IQCH: variants seen among roughly 807,000 people sequenced by gnomAD.
IQCH encodes the protein IQ motif containing H.
In IQCH, 98 loss-of-function variants were observed where a neutral mutation model predicts 117.0. That is an observed-to-expected ratio of 0.84 (90% CI 0.71 to 0.99). The LOEUF is 0.99. IQCH is among the 50% of genes least tolerant of loss of function. IQCH has a pLI of 0.00. For missense variants in IQCH, 1,102 were observed against 1,243.8 expected, an observed-to-expected ratio of 0.89 and a Z score of 1.72; for synonymous variants, 412 against 448.2, an observed-to-expected ratio of 0.92 and a Z score of 1.02.
intron 16 of IQCH, among the ~76,000 whole-genome samples, chr15:67,448,637 A>G (rs2082446180): frequency 1.3e-5 from 2 of 152,112 alleles, no homozygotes; most frequent in African/African-American, 2.4e-5. Context: ...TTGGACATTT[A>G]GGTTGGTTCC....
chr15:67,449,977 C>G (rs2082481117), intron 16 of IQCH, among the ~76,000 whole-genome samples: 2 of 152,030 alleles, frequency 1.3e-5, no homozygotes, highest in Non-Finnish European at 2.9e-5. Flanking sequence ...ATTTTATTCT[C>G]TTTGAAGCAA....
At chr15:67,287,486 G>T (rs1966606085) in intron 4 of IQCH, among the ~76,000 whole-genome samples, 1 of 152,096 alleles carries the variant, frequency 6.6e-6, no homozygotes, top group Non-Finnish European at 1.5e-5. Flanking sequence ...TTTCTTCATG[G>T]TTTAGACATA....
Position 67,404,669 on chromosome 15 carries a change from A to G in IQCH, c.2097+4364A>G, listed in dbSNP as rs1971814606. 6.6e-6 allele frequency: 1 copy of G among 152,196 alleles called. No individual in the cohort carries two copies. The highest frequency in any genetic ancestry group is 2.1e-4 in the South Asian group (1 of 4,834). The allele number at this position is 152,196 out of a possible 1,614,324, so 9.4% of individuals were successfully genotyped here. A position where few individuals can be genotyped will look rare whatever the true frequency, so the allele number is the denominator to read the frequency against. Reference sequence around the variant, plus strand: ...AAACATCAGATCTTAAATATTTTCCATGTTTATACATAGTCGTCACAATTA... The same window carrying G: ...AAACATCAGATCTTAAATATTTTCCGTGTTTATACATAGTCGTCACAATTA... On this transcript the variant is annotated intron_variant, in intron 14 of 20. Coordinates refer to ENST00000335894, the MANE Select transcript of IQCH (RefSeq NM_001031715.3). This position sits in a 1 kb window ranked among gnomAD's most constrained non-coding sequence, Gnocchi z 4.6.
Position 67,458,802 on chromosome 15 carries a change from G to C in IQCH, c.2506-6325G>C, listed in dbSNP as rs1435487081. On this transcript the variant is annotated intron_variant, in intron 16 of 20. Coordinates refer to ENST00000335894, the MANE Select transcript of IQCH (RefSeq NM_001031715.3). The surrounding 1 kb of genome is among the most constrained non-coding windows in gnomAD (Gnocchi z 4.1). ...TGTGAATGCTGTGAACATGGGCAGAGAGGTGACTCACACATCCCTTTGGCC... is the reference window on the plus strand; with the variant it reads ...TGTGAATGCTGTGAACATGGGCAGACAGGTGACTCACACATCCCTTTGGCC... 6.6e-6 allele frequency among the ~76,000 whole-genome samples: 1 copy of C among 152,252 alleles called. No individual in the cohort carries two copies. The highest frequency in any genetic ancestry group is 1.5e-5 in the Non-Finnish European group (1 of 68,052).
chr15:67,494,331 T>C lies in IQCH; in HGVS notation c.2935T>C (p.Ser979Pro). The change falls in exon 20 of 21, where the codon TCA becomes CCA. Residue 979 changes from serine to proline, a missense_variant. Physicochemically the swap from Ser to Pro is moderately conservative, Grantham distance 74 (BLOSUM62 -1). This residue lies in a region of IQCH where 650 missense variants were observed against 794.3 expected (regional missense o/e 0.82). Coordinates refer to ENST00000335894, the MANE Select transcript of IQCH (RefSeq NM_001031715.3). This position sits in a 1 kb window ranked among gnomAD's most constrained non-coding sequence, Gnocchi z 5.5. ...RHLFIIHQEISAPNMQGETNF... is the reference protein window; with the variant it reads ...RHLFIIHQEIPAPNMQGETNF... Reference sequence around the variant, plus strand: ...TCTCTTCATCATCCATCAAGAAATATCAGCACCTAATATGCAAGGCGAGAC... The same window carrying C: ...TCTCTTCATCATCCATCAAGAAATACCAGCACCTAATATGCAAGGCGAGAC... 6 of 1,613,318 alleles carry C rather than the reference T, an allele frequency of 3.7e-6. No individual in the cohort carries two copies. Among genetic ancestry groups the C allele is most frequent in the Non-Finnish European group, 4.2e-6 (5 of 1,179,856 alleles).
intron 3 of IQCH, among the ~76,000 whole-genome samples, chr15:67,278,445 G>A (rs1341298486): frequency 6.6e-6 from 1 of 152,194 alleles, no homozygotes; most frequent in Non-Finnish European, 1.5e-5. Context: ...GAGCTGAAGC[G>A]TTCTTGTCAG....
At position 67,494,202 on chromosome 15, in the gene IQCH, T is replaced by C; in HGVS notation, c.2862-56T>C. The stretch of plus-strand genomic sequence containing the variant: ...AGGCACAAATGAGAGGGCGATTGTT[T>C]TTAAGCATGTGAAGGGAATCGTTGG... On this transcript the variant is annotated intron_variant, in intron 19 of 20. Coordinates refer to ENST00000335894, the MANE Select transcript of IQCH (RefSeq NM_001031715.3). The surrounding 1 kb of genome is among the most constrained non-coding windows in gnomAD (Gnocchi z 5.5). 1 of 1,291,108 alleles carries C rather than the reference T, an allele frequency of 7.7e-7. No homozygotes were observed. The highest frequency in any genetic ancestry group is 1.1e-6 in the Non-Finnish European group (1 of 930,772). 80.0% of individuals were successfully genotyped at this position (1,291,108 alleles called of 1,614,324 possible).
At chr15:67,372,875 C>T (rs1490792651) in intron 9 of IQCH, among the ~76,000 whole-genome samples, 1 of 151,744 alleles carries the variant, frequency 6.6e-6, no homozygotes, top group Non-Finnish European at 1.5e-5. Context: ...ATCTGGCTTT[C>T]GTGCCTGCAA....
intron 17 of IQCH, among the ~76,000 whole-genome samples, chr15:67,470,322 C>T (rs1461893953): frequency 2.6e-5 from 4 of 152,096 alleles, no homozygotes; most frequent in East Asian, 1.9e-4. Context: ...GGACTACAGG[C>T]GCCCGCGACC....
chr15:67,392,785 CA>C (rs33923178), intron 12 of IQCH, among the ~76,000 whole-genome samples: 23 of 113,414 alleles, frequency 2.0e-4, no homozygotes, highest in African/African-American at 4.5e-4. Flanking sequence ...CCTGCTTCCA[CA>C]AAAAAAAAAA....
chr15:67,359,882 G>C lies in IQCH; in HGVS notation c.750G>C (p.Arg250Ser), dbSNP rs752162409. Residue 250 changes from arginine to serine, a missense_variant, in exon 8 of 21, where the codon AGG becomes AGC. This residue lies in a region of IQCH where 452 missense variants were observed against 449.6 expected (regional missense o/e 1.01). Coordinates refer to ENST00000335894, the MANE Select transcript of IQCH (RefSeq NM_001031715.3). This position sits in a 1 kb window ranked among gnomAD's most constrained non-coding sequence, Gnocchi z 4.5. ...KSRRSRGHHD[R>S]KAMKVKTPLR... Reference sequence around the variant, plus strand: ...GAAGGTCAAGAGGACATCATGATAGGAAGGTCTGTAATTTGTGTGACTAGT... The same window carrying C: ...GAAGGTCAAGAGGACATCATGATAGCAAGGTCTGTAATTTGTGTGACTAGT... 2.2e-5 allele frequency: 35 copies of C among 1,612,290 alleles called. No homozygotes were observed. The East Asian group carries it at 7.8e-4, about 36-fold the overall frequency.
intron 3 of IQCH, among the ~76,000 whole-genome samples, chr15:67,277,776 A>G (rs966798536): frequency 6.6e-6 from 1 of 151,564 alleles, no homozygotes; most frequent in African/African-American, 2.4e-5. Flanking sequence ...CTCATGATCC[A>G]CCCGCCTCAG....
chr15:67,263,025 C>G, intron 2 of IQCH, 97 bp from the exon 3 acceptor site: 2 of 730,380 alleles, frequency 2.7e-6, no homozygotes, highest in Admixed American at 4.5e-5. Context: ...GTGGTTTTGG[C>G]TTAATTACAG....
intron 10 of IQCH, chr15:67,374,109 A>T (rs1368218988): frequency 1.3e-5 from 2 of 152,264 alleles, no homozygotes; most frequent in African/African-American, 4.8e-5. Context: ...TGCCAAAATG[A>T]CATTGGGAAT....
rs59177913 is a variant in IQCH, at chr15:67,405,390, G to GTCA, written c.2097+5122_2097+5124dup. ...TGTTGACATTTCCTTGTATTTCTTT[G>GTCA]TCATCATCATCATCATCATCATCAT... On this transcript the variant is annotated intron_variant, in intron 14 of 20. Coordinates refer to ENST00000335894, the MANE Select transcript of IQCH (RefSeq NM_001031715.3). This position sits in a 1 kb window ranked among gnomAD's most constrained non-coding sequence, Gnocchi z 4.8. 19,090 of 154,362 alleles carry GTCA rather than the reference G, an allele frequency of 0.12. 1,418 individuals are homozygous for GTCA. The highest frequency in any genetic ancestry group is 0.18 in the Middle Eastern group (56 of 314). The allele number at this position is 154,362 out of a possible 1,614,324, so 9.6% of individuals were successfully genotyped here.
chr15:67,361,004 A>G (rs1245670812), intron 8 of IQCH, among the ~76,000 whole-genome samples: 6 of 152,238 alleles, frequency 3.9e-5, no homozygotes, highest in Non-Finnish European at 8.8e-5. Flanking sequence ...TGTAACTGCT[A>G]ATGTTGACTG....
Position 67,427,999 on chromosome 15 carries a change from T to C in IQCH, c.2505+6422T>C, listed in dbSNP as rs1018674219. Among the ~76,000 whole-genome samples the C allele has an allele frequency of 6.6e-6, 1 of 152,154 alleles. No individual in the cohort carries two copies. The highest frequency in any genetic ancestry group is 6.6e-5 in the Admixed American group (1 of 15,260). ...ACACACCACACCTGACTAACTTTTGTATTTTTAGTAGAGACGGGGTTTCGC... is the reference window on the plus strand; with the variant it reads ...ACACACCACACCTGACTAACTTTTGCATTTTTAGTAGAGACGGGGTTTCGC... On this transcript the variant is annotated intron_variant, in intron 16 of 20. Transcript: ENST00000335894. This position sits in a 1 kb window ranked among gnomAD's most constrained non-coding sequence, Gnocchi z 4.7.
intron 8 of IQCH, chr15:67,360,204 A>G: frequency 3.0e-6 from 1 of 333,666 alleles, no homozygotes; most frequent in Non-Finnish European, 5.4e-6. Context: ...TCATCTTTTA[A>G]AAGTACACTT....
intron 18 of IQCH, among the ~76,000 whole-genome samples, chr15:67,483,293 G>C (rs2083386735): frequency 6.6e-6 from 1 of 152,208 alleles, no homozygotes; most frequent in African/African-American, 2.4e-5. Flanking sequence ...GGTTGAGGTG[G>C]ATCACTTGAG....
Sources: gnomAD v4.1 joint callset for allele counts (sites outside exome capture counted in the v4.1 genomes callset) on GRCh38, gnomAD v4.1.1 for gene constraint, gnomAD v4.1.1 regional missense constraint, Gnocchi (gnomAD v3.1) non-coding constraint, MANE v1.5 for transcripts, NCBI Gene and HGNC (gene_info 2026-07-23, HGNC 2026-07-21) for gene names.